PIGZ: variants seen among roughly 807,000 people sequenced by gnomAD.
PIGZ encodes phosphatidylinositol glycan anchor biosynthesis class Z (Gwada blood group).
PIGZ carries 16 observed loss-of-function variants against 16.4 expected under a neutral mutation model. The ratio of observed to expected loss-of-function variants is 0.97; its 90% CI spans 0.66 to 1.48. The LOEUF (loss-of-function observed/expected upper bound fraction) is 1.48. PIGZ is among the 40% of genes most tolerant of loss of function. PIGZ has a pLI of 0.00. For missense variants in PIGZ, 770 were observed against 739.2 expected, an observed-to-expected ratio of 1.04 and a Z score of -0.48; for synonymous variants, 409 against 338.4, an observed-to-expected ratio of 1.21 and a Z score of -2.29.
In PIGZ at chr3:196,949,357, C is replaced by T. The variant is rs80194371; in HGVS notation, c.212-672G>A. ...AATAACAGAGTTTTCACCAGCTGGA[C>T]GCAGAAGTGGCAGTGAGATTCAAAG... On this transcript the variant is annotated intron_variant, in intron 2 of 2. Transcript: ENST00000412723. 2.2e-4 allele frequency among the ~76,000 whole-genome samples: 33 copies of T among 152,200 alleles called. 1 individual carries two copies. In the East Asian group the frequency reaches 5.6e-3, roughly 26 times the overall value.
intron 1 of PIGZ, among the ~76,000 whole-genome samples, chr3:196,961,203 T>C (rs564626639): frequency 6.6e-6 from 1 of 152,274 alleles, no homozygotes; most frequent in South Asian, 2.1e-4. Context: ...GCTGTGTTCT[T>C]GAATGCAATA....
In PIGZ at chr3:196,947,367, C is replaced by T. The variant is rs928615649; in HGVS notation, c.1530G>A (p.Val510=). The change falls in exon 3 of 3, where the codon GTG becomes GTA. Residue 510 remains valine (V), a synonymous_variant. Coordinates refer to ENST00000412723, the MANE Select transcript of PIGZ (RefSeq NM_025163.4). ...KSFTRQPACQ[V]AGGPWLCRLF... is the part of the protein sequence containing the mutation. Reference sequence around the variant, plus strand: ...GGCGGCAGAGCCATGGCCCACCAGCCACTTGGCAGGCTGGTTGTCTGGTGA... The same window carrying T: ...GGCGGCAGAGCCATGGCCCACCAGCTACTTGGCAGGCTGGTTGTCTGGTGA... 53 of 1,614,080 alleles carry T rather than the reference C, an allele frequency of 3.3e-5. No individual in the cohort carries two copies. The highest frequency in any genetic ancestry group is 4.4e-5 in the Non-Finnish European group (52 of 1,180,052).
chr3:196,962,601 A>T (rs1717762653), intron 1 of PIGZ, among the ~76,000 whole-genome samples: 1 of 151,228 alleles, frequency 6.6e-6, no homozygotes, highest in South Asian at 2.1e-4. Context: ...TTACTGAGAT[A>T]GGAGAAAACC....
rs913306709 is a variant in PIGZ, at chr3:196,962,456, G to A, written c.-1+6231C>T. Reference sequence around the variant, plus strand: ...GACCTTACATTATAGTCCCCCAGCCGGACACCCATAAAAGGTCTGTGCTGA... The same window carrying A: ...GACCTTACATTATAGTCCCCCAGCCAGACACCCATAAAAGGTCTGTGCTGA... On this transcript the variant is annotated intron_variant, in intron 1 of 2. Transcript: ENST00000412723. Among the ~76,000 whole-genome samples the A allele has an allele frequency of 2.6e-4, 39 of 152,166 alleles. No homozygotes were observed. The South Asian group carries it at 5.2e-3, about 20-fold the overall frequency.
rs748858683 is a variant in PIGZ at position 196,951,895 on chromosome 3, A to C, written c.137T>G (p.Val46Gly). 6.2e-7 allele frequency: 1 copy of C among 1,614,096 alleles called. No individual in the cohort carries two copies. Among genetic ancestry groups the C allele is most frequent in the African/African-American group, 1.3e-5 (1 of 75,002 alleles). The part of the protein sequence containing the change: ...VLWGGLSLLR[V>G]LWCLLPQTGY... ...CGTCTGCGGAAGGAGACACCACAGC[A>C]CTCGGAGCAGGCTGAGACCACCCCA... The change falls in exon 2 of 3, where the codon GTG becomes GGG. Residue 46 changes from valine (V) to glycine (G), a missense_variant. By Grantham distance (109) the Val-to-Gly change is moderately radical. Coordinates refer to ENST00000412723, the MANE Select transcript of PIGZ (RefSeq NM_025163.4).
chr3:196,958,245 T>C (rs1273575915), intron 1 of PIGZ, among the ~76,000 whole-genome samples: 1 of 152,034 alleles, frequency 6.6e-6, no homozygotes, highest in African/African-American at 2.4e-5. Flanking sequence ...TTTCTATTCA[T>C]AAACATAATA....
chr3:196,964,044 T>TTATGTATTTA (rs10650839), intron 1 of PIGZ, among the ~76,000 whole-genome samples: 1 of 151,252 alleles, frequency 6.6e-6, no homozygotes, highest in African/African-American at 2.4e-5. Context: ...TTATTTTTAT[T>TTATGTATTTA]TTTATTTATT....
chr3:196,966,918 C>A (rs1242522019), intron 1 of PIGZ, among the ~76,000 whole-genome samples: 1 of 152,030 alleles, frequency 6.6e-6, no homozygotes, highest in African/African-American at 2.4e-5. Context: ...GGCTCGTGAG[C>A]GGAAGGCTTT....
intron 1 of PIGZ, among the ~76,000 whole-genome samples, chr3:196,961,747 G>A (rs1199780871): frequency 6.6e-6 from 1 of 152,206 alleles, no homozygotes; most frequent in African/African-American, 2.4e-5. Flanking sequence ...AAACTGAGAA[G>A]TGTCTGTATT....
At chr3:196,955,918 T>A (rs868612267) in intron 1 of PIGZ, among the ~76,000 whole-genome samples, 2 of 152,084 alleles carry the variant, frequency 1.3e-5, no homozygotes, top group Non-Finnish European at 2.9e-5. Context: ...TATACCATCT[T>A]ATTTTGTGTT....
At chr3:196,948,751 G>A (rs1327452592) in intron 2 of PIGZ, 66 bp from the exon 3 acceptor site, 12 of 1,232,720 alleles carry the variant, frequency 9.7e-6, no homozygotes, top group African/African-American at 1.5e-5. Flanking sequence ...ATTCTAGGAG[G>A]GCACCCCACA....
intron 1 of PIGZ, among the ~76,000 whole-genome samples, chr3:196,954,930 C>CTT (rs141122759): frequency 2.1e-5 from 3 of 145,214 alleles, no homozygotes; most frequent in African/African-American, 2.5e-5. Context: ...TTGTTGAAAT[C>CTT]TTTTTTTTTT....
Position 196,947,279 on chromosome 3 carries a change from T to C in PIGZ, c.1618A>G (p.Asn540Asp). The C allele has an allele frequency of 6.2e-7, 1 of 1,614,062 alleles. No homozygotes were observed. Among genetic ancestry groups the C allele is most frequent in the Non-Finnish European group, 8.5e-7 (1 of 1,179,980 alleles). The change falls in exon 3 of 3, where the codon AAT (asparagine) becomes GAT (aspartate). Residue 540 changes from asparagine (N) to aspartate (D), a missense_variant. Asn to Asp is a conservative substitution (Grantham distance 23). Transcript: ENST00000412723. ...AGATGGGGAAATAAAAGTGTTTCAT[T>C]CTTGAAGGGGAAGCTGCACTTCTCC... Reference protein sequence around the residue: ...AVEKCSFPFKNETLLFPHLTL... With the variant: ...AVEKCSFPFKDETLLFPHLTL...
At position 196,948,624 on chromosome 3, in the gene PIGZ, G is replaced by A. The variant is rs1315783457; in HGVS notation, c.273C>T (p.Arg91=). The A allele has an allele frequency of 2.6e-6, 4 of 1,510,448 alleles. No homozygotes were observed. The highest frequency in any genetic ancestry group is 3.5e-6 in the Non-Finnish European group (4 of 1,133,208). 93.6% of individuals were successfully genotyped at this position (1,510,448 alleles called of 1,614,324 possible). The change falls in exon 3 of 3, where the codon CGC becomes CGT. Residue 91 remains arginine, a synonymous_variant. Transcript: ENST00000412723. The part of the protein sequence containing the change: ...PWEFYPSSSC[R]SVLFPLLISG... Reference sequence around the variant, plus strand: ...AGATCAGCAGGGGGAAGAGCACCGAGCGGCAGGAGCTGCTGGGGTAAAACT... The same window carrying A: ...AGATCAGCAGGGGGAAGAGCACCGAACGGCAGGAGCTGCTGGGGTAAAACT...
At chr3:196,960,532 C>T (rs1183058789) in intron 1 of PIGZ, among the ~76,000 whole-genome samples, 18 of 151,818 alleles carry the variant, frequency 1.2e-4, no homozygotes, top group East Asian at 3.9e-4. Context: ...ATTAGCTGGG[C>T]GTGGTGGTGT....
At chr3:196,967,847 A>T (rs911141974) in intron 1 of PIGZ, among the ~76,000 whole-genome samples, 3 of 152,228 alleles carry the variant, frequency 2.0e-5, no homozygotes, top group African/African-American at 4.8e-5. Context: ...TTCATCAAGG[A>T]GGGCGCACCA....
intron 2 of PIGZ, chr3:196,951,395 G>C (rs1454167236): frequency 4.0e-6 from 1 of 250,594 alleles, no homozygotes. Context: ...AGATGAGTGA[G>C]TGTCCCAGGT....
chr3:196,951,743 C>A, intron 2 of PIGZ, 78 bp downstream of exon 2: 1 of 1,389,510 alleles, frequency 7.2e-7, no homozygotes, highest in Non-Finnish European at 1.0e-6. Context: ...CATGCTACTC[C>A]CTCCCCACAA....
Position 196,948,045 on chromosome 3 carries a change from A to G in PIGZ, c.852T>C (p.Ala284=), listed in dbSNP as rs1147240. Residue 284 remains alanine, a synonymous_variant, in exon 3 of 3, where the codon GCT becomes GCC. Transcript: ENST00000412723. ...ATDSWYFSSP[A]TSRNLVLTPV... is the part of the protein sequence containing the mutation. ...GTGTCAGGACAAGGTTCCTGGATGTAGCGGGGCTGGAGAAATACCAGCTGT... is the reference window on the plus strand; with the variant it reads ...GTGTCAGGACAAGGTTCCTGGATGTGGCGGGGCTGGAGAAATACCAGCTGT... The G allele has an allele frequency of 3.8e-6, 6 of 1,590,778 alleles. No homozygotes were observed. The highest frequency in any genetic ancestry group is 2.2e-5 in the East Asian group (1 of 44,446).
Sources: allele counts gnomAD v4.1 joint callset (sites outside exome capture counted in the v4.1 genomes callset), GRCh38; gene constraint gnomAD v4.1.1; transcripts MANE v1.5; gene names NCBI Gene and HGNC (gene_info 2026-07-23, HGNC 2026-07-21).